Variants in CNTN1 observed in about 807,000 individuals in gnomAD.
CNTN1 encodes the protein contactin-1.
In CNTN1, 38 loss-of-function variants were observed where a neutral mutation model predicts 126.4. The ratio of observed to expected loss-of-function variants is 0.30; its 90% CI spans 0.23 to 0.39. The LOEUF (loss-of-function observed/expected upper bound fraction) is 0.39, where lower values mean the gene tolerates loss of function less well. Among genes scored for constraint, CNTN1 ranks in the 10% least tolerant of loss-of-function variants. CNTN1 has a pLI of 1.00. For missense variants in CNTN1, 1,009 were observed against 1,248.4 expected, an observed-to-expected ratio of 0.81 and a Z score of 2.89; for synonymous variants, 413 against 422.6, an observed-to-expected ratio of 0.98 and a Z score of 0.28.
chr12:40,936,681 T>C, intron 9 of CNTN1, 100 bp from the exon 10 acceptor site: 1 of 1,438,230 alleles, frequency 7.0e-7, no homozygotes, highest in South Asian at 1.2e-5. Context: ...TCTGATGTAT[T>C]CTGCAGAATT....
intron 14 of CNTN1, among the ~76,000 whole-genome samples, chr12:40,952,060 AT>A (rs1175963432): frequency 6.6e-6 from 1 of 151,752 alleles, no homozygotes; most frequent in African/African-American, 2.4e-5. Flanking sequence ...GAAAATTTAA[AT>A]AGCAAAAAAA....
intron 17 of CNTN1, among the ~76,000 whole-genome samples, chr12:41,006,691 A>G (rs1339593995): frequency 6.6e-6 from 1 of 152,224 alleles, no homozygotes; most frequent in Non-Finnish European, 1.5e-5. Flanking sequence ...CACTCTAAGG[A>G]AGATGTGGCT....
At chr12:40,929,754 G>T in intron 6 of CNTN1, 42 bp from the exon 7 acceptor site, 1 of 1,442,904 alleles carries the variant, frequency 6.9e-7, no homozygotes, top group East Asian at 2.3e-5. Context: ...TAACAACTTT[G>T]GGAGAAGCAC....
At chr12:41,020,266 C>T in intron 19 of CNTN1, 71 bp from the exon 20 acceptor site, 1 of 959,068 alleles carries the variant, frequency 1.0e-6, no homozygotes. Context: ...ATTCATATAG[C>T]AAATGATGCT....
Position 40,933,895 on chromosome 12 carries a change from A to C in CNTN1, c.985+17A>C, listed in dbSNP as rs769032048. The C allele has an allele frequency of 6.3e-7, 1 of 1,591,360 alleles. No homozygotes were observed. Among genetic ancestry groups the C allele is most frequent in the Non-Finnish European group, 8.6e-7 (1 of 1,160,970 alleles). On this transcript the variant is annotated intron_variant, in intron 9 of 23. Transcript: ENST00000551295. ...ATGTTCAAGGTAGATACATTATTTT[A>C]ATTTTGTATAAATTTCATCAGTATC...
In CNTN1 at chr12:40,816,609, A is replaced by AT. The variant is rs200190141; in HGVS notation, c.-76-91741dup. On this transcript the variant is annotated intron_variant, in intron 1 of 23. Transcript: ENST00000551295. ...AAAAAAACATCCCCTGAATTCATTG[A>AT]TTTTTTTGAAGGGTTTTTCGTGTCT... Among the ~76,000 whole-genome samples, 1,361 of 150,734 alleles carry AT rather than the reference A, an allele frequency of 9.0e-3. 18 individuals are homozygous for AT. The highest frequency in any genetic ancestry group is 0.032 in the African/African-American group (1,325 of 41,006).
chr12:41,011,759 T>C (rs1014978853), intron 17 of CNTN1, among the ~76,000 whole-genome samples: 1 of 152,212 alleles, frequency 6.6e-6, no homozygotes, highest in Non-Finnish European at 1.5e-5. Context: ...AGCGTGCTGG[T>C]TTGAGCTCTA....
At chr12:40,942,966 G>C (rs1193139046) in intron 12 of CNTN1, among the ~76,000 whole-genome samples, 1 of 151,986 alleles carries the variant, frequency 6.6e-6, no homozygotes, top group Non-Finnish European at 1.5e-5. Flanking sequence ...TCTATTTAAA[G>C]AAAGTAAAAA....
chr12:40,998,274 A>C (rs1948271949), intron 17 of CNTN1, among the ~76,000 whole-genome samples: 1 of 152,182 alleles, frequency 6.6e-6, no homozygotes, highest in Non-Finnish European at 1.5e-5. Flanking sequence ...TGGATTCTTC[A>C]TAAGAATTTT....
intron 23 of CNTN1, among the ~76,000 whole-genome samples, chr12:41,058,717 A>T (rs1949877935): frequency 6.6e-6 from 1 of 152,118 alleles, no homozygotes; most frequent in African/African-American, 2.4e-5. Flanking sequence ...TATAAACAGA[A>T]CCAAGGAAAT....
intron 1 of CNTN1, among the ~76,000 whole-genome samples, chr12:40,774,012 G>A (rs1012676460): frequency 2.0e-5 from 3 of 151,352 alleles, no homozygotes; most frequent in South Asian, 2.1e-4. Context: ...TGTTTGACTT[G>A]TTCTCATTGG....
intron 1 of CNTN1, among the ~76,000 whole-genome samples, chr12:40,861,802 T>C (rs1033961302): frequency 6.6e-6 from 1 of 152,198 alleles, no homozygotes; most frequent in Non-Finnish European, 1.5e-5. Flanking sequence ...ACTTTCTATA[T>C]AGTACAACCA....
chr12:40,931,654 G>T (rs12314887), intron 7 of CNTN1, among the ~76,000 whole-genome samples: 5,368 of 151,902 alleles, frequency 0.035, 304 homozygotes, highest in African/African-American at 0.12. Context: ...ATAACTCAAG[G>T]TAGCATTATT....
At chr12:40,895,427 C>A (rs923607021) in intron 1 of CNTN1, among the ~76,000 whole-genome samples, 3 of 152,104 alleles carry the variant, frequency 2.0e-5, no homozygotes, top group Non-Finnish European at 4.4e-5. Flanking sequence ...GGTTGAGGGG[C>A]CATATCTGGT....
intron 1 of CNTN1, among the ~76,000 whole-genome samples, chr12:40,771,266 T>C (rs1939325998): frequency 6.6e-6 from 1 of 152,108 alleles, no homozygotes. Flanking sequence ...GCTAGAACCA[T>C]TTCTCAGGCT....
chr12:40,994,976 A>G (rs1948178202), intron 17 of CNTN1, among the ~76,000 whole-genome samples: 1 of 152,064 alleles, frequency 6.6e-6, no homozygotes, highest in Non-Finnish European at 1.5e-5. Context: ...AACTTAGATA[A>G]ACTATTTAGT....
At chr12:41,054,513 A>G (rs1194678873) in intron 23 of CNTN1, among the ~76,000 whole-genome samples, 1 of 152,056 alleles carries the variant, frequency 6.6e-6, no homozygotes, top group Non-Finnish European at 1.5e-5. Context: ...TCCTCATTTT[A>G]AACATAAACA....
intron 17 of CNTN1, among the ~76,000 whole-genome samples, chr12:40,996,513 CAGTT>C (rs1948222042): frequency 6.6e-6 from 1 of 152,132 alleles, no homozygotes; most frequent in Non-Finnish European, 1.5e-5. Context: ...ATTAGGAAAG[CAGTT>C]AGCACTGCAC....
At position 41,060,527 on chromosome 12, in the gene CNTN1, T is replaced by G. The variant is rs1042061151; in HGVS notation, c.2981-9432T>G. On this transcript the variant is annotated intron_variant, in intron 23 of 23. Coordinates refer to ENST00000551295, the MANE Select transcript of CNTN1 (RefSeq NM_001843.4). ...GGCAAAATGGAATGGGCATTTGAAG[T>G]TGCCAGTCTTTCTAACTTTGATTGA... is the stretch of plus-strand genomic sequence containing the variant. Among the ~76,000 whole-genome samples, 11 of 152,220 alleles carry G rather than the reference T, an allele frequency of 7.2e-5. 1 individual carries two copies. The highest frequency in any genetic ancestry group is 6.5e-5 in the Admixed American group (1 of 15,284).
Sources: allele counts gnomAD v4.1 joint callset (sites outside exome capture counted in the v4.1 genomes callset), GRCh38; gene constraint gnomAD v4.1.1; transcripts MANE v1.5; gene names NCBI Gene and HGNC (gene_info 2026-07-23, HGNC 2026-07-21).